The following PPM1L variants were observed in gnomAD, a reference collection of about 807,000 sequenced individuals.
PPM1L encodes protein phosphatase, Mg2+/Mn2+ dependent 1L, also known as protein phosphatase 1L.
A neutral mutation model predicts 31.4 loss-of-function variants in PPM1L; 13 were observed. That is an observed-to-expected ratio of 0.41 (90% confidence interval 0.27 to 0.66). PPM1L has a LOEUF of 0.66. Among genes scored for constraint, PPM1L ranks in the 30% least tolerant of loss-of-function variants. The pLI, the probability that PPM1L is intolerant of heterozygous loss-of-function variation, is 0.29. For missense variants in PPM1L, 326 were observed against 453.7 expected (o/e 0.72, Z 2.56); for synonymous variants, 184 against 175.4 (o/e 1.05, Z -0.39).
chr3:160,959,723 C>T (rs1360696986), intron 1 of PPM1L, among the ~76,000 whole-genome samples: 1 of 152,046 alleles, frequency 6.6e-6, no homozygotes, highest in Non-Finnish European at 1.5e-5. Flanking sequence ...GTCCTAGCTA[C>T]TCAGGAGGCT....
chr3:160,765,164 G>A (rs1289145807), intron 1 of PPM1L, among the ~76,000 whole-genome samples: 3 of 152,144 alleles, frequency 2.0e-5, no homozygotes, highest in Non-Finnish European at 4.4e-5. Context: ...CCATTTTGTA[G>A]GTGTAGAAAT....
At chr3:161,044,628 A>G (rs1719002997) in intron 2 of PPM1L, among the ~76,000 whole-genome samples, 1 of 152,068 alleles carries the variant, frequency 6.6e-6, no homozygotes, top group African/African-American at 2.4e-5. Flanking sequence ...GAAGCACTAC[A>G]CATGGAAAGG....
intron 1 of PPM1L, among the ~76,000 whole-genome samples, chr3:160,830,958 G>A (rs1450305007): frequency 6.6e-6 from 1 of 152,186 alleles, no homozygotes; most frequent in Non-Finnish European, 1.5e-5. Context: ...TCCATGCCAG[G>A]AACTCTGTTA....
intron 1 of PPM1L, among the ~76,000 whole-genome samples, chr3:160,919,892 G>A (rs1469510073): frequency 6.6e-6 from 1 of 152,126 alleles, no homozygotes; most frequent in African/African-American, 2.4e-5. Context: ...TGGTTTTTGA[G>A]CCCTGCTTGC....
intron 1 of PPM1L, among the ~76,000 whole-genome samples, chr3:160,940,631 A>G (rs1032105351): frequency 6.6e-6 from 1 of 152,232 alleles, no homozygotes; most frequent in Non-Finnish European, 1.5e-5. Flanking sequence ...AGGGGTGCGC[A>G]GAAGCCAAGA....
At chr3:161,020,809 A>G (rs971684531) in intron 2 of PPM1L, among the ~76,000 whole-genome samples, 1 of 152,094 alleles carries the variant, frequency 6.6e-6, no homozygotes, top group Non-Finnish European at 1.5e-5. Context: ...TCTAAGTTTC[A>G]TCTACATTAT....
chr3:160,764,791 T>G (rs111640541), intron 1 of PPM1L, among the ~76,000 whole-genome samples: 1 of 152,290 alleles, frequency 6.6e-6, no homozygotes, highest in African/African-American at 2.4e-5. Context: ...TATATTTATA[T>G]TTTGAGTGTA....
chr3:160,772,921 A>T (rs932654693), intron 1 of PPM1L, among the ~76,000 whole-genome samples: 2 of 152,142 alleles, frequency 1.3e-5, no homozygotes, highest in African/African-American at 4.8e-5. Flanking sequence ...TTATTGCTGA[A>T]TAGTATCCCA....
chr3:160,929,543 C>A (rs550392436), intron 1 of PPM1L, among the ~76,000 whole-genome samples: 35 of 152,304 alleles, frequency 2.3e-4, no homozygotes, highest in African/African-American at 8.4e-4. Flanking sequence ...TGACACATGG[C>A]TTCATGCTTC....
At chr3:160,996,650 G>A (rs1717335595) in intron 2 of PPM1L, among the ~76,000 whole-genome samples, 1 of 152,046 alleles carries the variant, frequency 6.6e-6, no homozygotes, top group African/African-American at 2.4e-5. Context: ...GAGGGTGAGA[G>A]GGGAGCAAAG....
rs540120412 is a variant in PPM1L, at chr3:161,074,420, A to C, written c.*5263A>C. On this transcript the variant is annotated 3_prime_UTR_variant, in exon 4 of 4. Coordinates refer to ENST00000498165, the MANE Select transcript of PPM1L (RefSeq NM_139245.4). ...AAATCTAGTCGAAAACATGGTACAG[A>C]GTGAATTAAGGCAAAAGTCATTAAC... 1 of 152,250 alleles carries C rather than the reference A, an allele frequency of 6.6e-6. No homozygotes were observed. Among genetic ancestry groups the C allele is most frequent in the Non-Finnish European group, 1.5e-5 (1 of 68,054 alleles). 9.4% of individuals were successfully genotyped at this position (152,250 alleles called of 1,614,324 possible).
chr3:160,883,222 A>T (rs1248628134), intron 1 of PPM1L, among the ~76,000 whole-genome samples: 1 of 152,198 alleles, frequency 6.6e-6, no homozygotes, highest in East Asian at 1.9e-4. Context: ...CATGTATTAT[A>T]TTGCTGTTAA....
At chr3:160,966,003 T>C (rs1345628626) in intron 2 of PPM1L, among the ~76,000 whole-genome samples, 1 of 152,054 alleles carries the variant, frequency 6.6e-6, no homozygotes, top group African/African-American at 2.4e-5. Flanking sequence ...TCTTTCTCTC[T>C]CTCTTCCCCT....
chr3:161,027,677 A>G (rs1476224871), intron 2 of PPM1L, among the ~76,000 whole-genome samples: 2 of 152,202 alleles, frequency 1.3e-5, no homozygotes, highest in East Asian at 3.8e-4. Context: ...TTTGGGTGGC[A>G]ACACAGCCAA....
chr3:160,864,323 C>T (rs138669968), intron 1 of PPM1L, among the ~76,000 whole-genome samples: 127 of 152,144 alleles, frequency 8.3e-4, no homozygotes, highest in African/African-American at 3.0e-3. Context: ...GTAGCTGGGA[C>T]TTATAGGCAC....
chr3:160,821,338 G>A (rs776747462), intron 1 of PPM1L, among the ~76,000 whole-genome samples: 1 of 151,932 alleles, frequency 6.6e-6, no homozygotes, highest in Non-Finnish European at 1.5e-5. Flanking sequence ...GTGGTTAATT[G>A]ATTTAATAGT....
intron 2 of PPM1L, among the ~76,000 whole-genome samples, chr3:160,997,221 T>C (rs753135766): frequency 6.6e-6 from 1 of 152,108 alleles, no homozygotes. Context: ...ACAGAGGGAA[T>C]TCCTAGTCAT....
intron 1 of PPM1L, among the ~76,000 whole-genome samples, chr3:160,863,542 G>A (rs140512707): frequency 3.9e-5 from 6 of 152,298 alleles, no homozygotes; most frequent in South Asian, 2.1e-4. Flanking sequence ...TCTCATGAAA[G>A]CTCCAACCCT....
At chr3:161,059,790 A>T (rs1159737121) in intron 2 of PPM1L, among the ~76,000 whole-genome samples, 1 of 152,004 alleles carries the variant, frequency 6.6e-6, no homozygotes, top group Non-Finnish European at 1.5e-5. Flanking sequence ...TTCTTGTGAT[A>T]GTGAGTTCTT....
Sources: gnomAD v4.1 joint callset for allele counts (sites outside exome capture counted in the v4.1 genomes callset) on GRCh38, gnomAD v4.1.1 for gene constraint, MANE v1.5 for transcripts, NCBI Gene and HGNC (gene_info 2026-07-23, HGNC 2026-07-21) for gene names.